Variants in NELFA observed in about 807,000 individuals in gnomAD.
NELFA encodes the protein negative elongation factor A.
Under a neutral mutation model 51.8 loss-of-function variants are expected in NELFA, and 35 were observed. The ratio of observed to expected loss-of-function variants is 0.68; its 90% CI spans 0.52 to 0.90. NELFA has a LOEUF of 0.90. NELFA is among the 40% of genes least tolerant of loss of function. The probability of loss-of-function intolerance (pLI) is 0.00; values close to 1 mark genes in which losing one functional copy is unlikely to be tolerated. For missense variants in NELFA, 658 were observed against 746.4 expected, an observed-to-expected ratio of 0.88 and a Z score of 1.38; for synonymous variants, 417 against 338.4, an observed-to-expected ratio of 1.23 and a Z score of -2.55.
At chr4:1,995,184 T>C (rs1410831280) in intron 1 of NELFA, among the ~76,000 whole-genome samples, 4 of 152,184 alleles carry the variant, frequency 2.6e-5, no homozygotes, top group South Asian at 2.1e-4. Flanking sequence ...AGCTGGAAGA[T>C]TGGTCTTTTC....
At position 1,985,806 on chromosome 4, in the gene NELFA, C is replaced by T. The variant is rs1236480435; in HGVS notation, c.894G>A (p.Pro298=). 6.8e-6 allele frequency: 11 copies of T among 1,613,136 alleles called. No homozygotes were observed. The highest frequency in any genetic ancestry group is 2.2e-5 in the East Asian group (1 of 44,878). The part of the protein sequence containing the change: ...KEETVVENAT[P]DYAAGLVSTQ... ...TGGACACCAGGCCGGCTGCGTAGTC[C>T]GGGGTGGCGTTCTCCACCACCGTTT... The change falls in exon 7 of 11, where the codon CCG becomes CCA. Residue 298 remains proline, a synonymous_variant. Coordinates refer to ENST00000382882, the MANE Select transcript of NELFA (RefSeq NM_005663.5).
At chr4:1,985,451 C>T (rs1376003890) in intron 7 of NELFA, among the ~76,000 whole-genome samples, 1 of 152,080 alleles carries the variant, frequency 6.6e-6, no homozygotes, top group Non-Finnish European at 1.5e-5. Context: ...GCCTGTCCTG[C>T]ACCCATTCAC....
At chr4:1,988,618 G>A (rs1384771086) in intron 3 of NELFA, among the ~76,000 whole-genome samples, 1 of 152,236 alleles carries the variant, frequency 6.6e-6, no homozygotes, top group African/African-American at 2.4e-5. Context: ...TCCATGCACA[G>A]CTGCTGTCAG....
rs779251313 is a variant in NELFA at position 1,988,003 on chromosome 4, C to A, written c.549G>T (p.Thr183=). ...TLRAELLQKS[T]ETAQQLKRSA... ...TCCGCTTCAACTGCTGGGCGGTCTC[C>A]GTGGCTGGAAGGAAGAGGTCACATA... The change falls in exon 4 of 11, where the codon ACG becomes ACT. Residue 183 remains threonine (T), a synonymous_variant. Transcript: ENST00000382882. 2 of 1,610,062 alleles carry A rather than the reference C, an allele frequency of 1.2e-6. No individual in the cohort carries two copies. Among genetic ancestry groups the A allele is most frequent in the Admixed American group, 1.7e-5 (1 of 59,928 alleles).
In NELFA at chr4:1,989,812, T is replaced by G; in HGVS notation, c.440A>C (p.Asn147Thr). 1 of 1,614,116 alleles carries G rather than the reference T, an allele frequency of 6.2e-7. No homozygotes were observed. The highest frequency in any genetic ancestry group is 8.5e-7 in the Non-Finnish European group (1 of 1,180,030). ...GGGTCCCGCGAGGGTCGTCAGGGCG[T>G]TTTTGTTCAAGTACTGGCACTCCAG... ...LPLECQYLNKNALTTLAGPLT... is the reference protein window; with the variant it reads ...LPLECQYLNKTALTTLAGPLT... Residue 147 changes from asparagine (N) to threonine (T), a missense_variant, in exon 3 of 11, where the codon AAC becomes ACC. Asn to Thr is a moderately conservative substitution (Grantham distance 65). This residue lies in a region of NELFA where 371 missense variants were observed against 448.3 expected (regional missense o/e 0.83). Coordinates refer to ENST00000382882, the MANE Select transcript of NELFA (RefSeq NM_005663.5). The surrounding 1 kb of genome is among the most constrained non-coding windows in gnomAD (Gnocchi z 4.8).
In NELFA at chr4:1,983,897, T is replaced by C. The variant is rs1727990032; in HGVS notation, c.1253A>G (p.Gln418Arg). The change falls in exon 9 of 11, where the codon CAG (glutamine) becomes CGG (arginine). Residue 418 changes from glutamine (Q) to arginine (R), a missense_variant. Transcript: ENST00000382882. ...CTGCTGCTGAGCAGGGGCCTGGGTC[T>C]GCGGGGCCACCATGGCAACCGGGGG... ...QTPPVAMVAPQTQAPAQQQPK... is the reference protein window; with the variant it reads ...QTPPVAMVAPRTQAPAQQQPK... 6.3e-7 allele frequency: 1 copy of C among 1,599,996 alleles called. No individual in the cohort carries two copies. Among genetic ancestry groups the C allele is most frequent in the African/African-American group, 1.3e-5 (1 of 74,618 alleles).
chr4:2,001,959 G>A (rs1248259842), intron 1 of NELFA, among the ~76,000 whole-genome samples: 2 of 150,378 alleles, frequency 1.3e-5, no homozygotes, highest in East Asian at 2.0e-4. Flanking sequence ...CTAGCACTTT[G>A]GGAGGCCGAG....
chr4:2,006,495 C>G (rs184242136), intron 1 of NELFA, among the ~76,000 whole-genome samples: 1 of 151,996 alleles, frequency 6.6e-6, no homozygotes, highest in African/African-American at 2.4e-5. Context: ...AAGGGCTGGG[C>G]GCACAGATCA....
rs185364631 is a variant in NELFA at position 1,991,647 on chromosome 4, G to A, written c.279C>T (p.Val93=). The change falls in exon 2 of 11, where the codon GTC becomes GTT. Residue 93 remains valine (V), a synonymous_variant. Coordinates refer to ENST00000382882, the MANE Select transcript of NELFA (RefSeq NM_005663.5). The part of the protein sequence containing the change: ...SLDSDPWVLM[V]ADILKSFPDT... Reference sequence around the variant, plus strand: ...CCGGAAAGGACTTCAAGATGTCGGCGACCATGAGCACCCAGGGGTCCGAGT... The same window carrying A: ...CCGGAAAGGACTTCAAGATGTCGGCAACCATGAGCACCCAGGGGTCCGAGT... 50 of 1,613,910 alleles carry A rather than the reference G, an allele frequency of 3.1e-5. No individual in the cohort carries two copies. Among genetic ancestry groups the A allele is most frequent in the Non-Finnish European group, 3.9e-5 (46 of 1,179,974 alleles).
intron 1 of NELFA, among the ~76,000 whole-genome samples, chr4:1,993,795 CTTTTT>C (rs1202916976): frequency 4.2e-5 from 5 of 118,944 alleles, no homozygotes; most frequent in Admixed American, 8.6e-5. Context: ...TCCCCTGGGC[CTTTTT>C]TTTTTTTTTT....
At chr4:1,984,966 G>C in intron 7 of NELFA, 47 bp from the exon 8 acceptor site, 2 of 1,408,718 alleles carry the variant, frequency 1.4e-6, no homozygotes, top group Admixed American at 2.0e-5. Flanking sequence ...CCATGCTTCC[G>C]GCATGTGCTA....
At chr4:2,005,311 G>GA (rs988601590) in intron 1 of NELFA, among the ~76,000 whole-genome samples, 188 of 149,660 alleles carry the variant, frequency 1.3e-3, no homozygotes, top group African/African-American at 4.3e-3. Context: ...AGTGAGACGA[G>GA]AAAAAAAACA....
chr4:2,007,797 C>T (rs370504330), intron 1 of NELFA, among the ~76,000 whole-genome samples: 18 of 152,174 alleles, frequency 1.2e-4, no homozygotes, highest in East Asian at 7.7e-4. Flanking sequence ...CTTTTCCATA[C>T]ATGTCATATC....
chr4:1,991,131 C>T lies in NELFA; in HGVS notation c.382+413G>A, dbSNP rs543787113. Among the ~76,000 whole-genome samples, 28 of 152,324 alleles carry T rather than the reference C, an allele frequency of 1.8e-4. No homozygotes were observed. In the South Asian group the frequency reaches 2.7e-3, roughly 15 times the overall value. ...TATTTTCTAAGTGACTTTCAGTTCA[C>T]ATTTAAACAACTAAATCGTTGATAT... is the stretch of plus-strand genomic sequence containing the variant. On this transcript the variant is annotated intron_variant, in intron 2 of 10. Coordinates refer to ENST00000382882, the MANE Select transcript of NELFA (RefSeq NM_005663.5).
intron 9 of NELFA, 56 bp from the exon 10 acceptor site, chr4:1,983,751 T>A (rs1727981379): frequency 1.2e-6 from 2 of 1,600,772 alleles, no homozygotes; most frequent in East Asian, 2.2e-5. Flanking sequence ...ACCTCCTGCA[T>A]CCCCCTGCAG....
intron 4 of NELFA, chr4:1,987,540 C>T (rs1043802803): frequency 8.0e-5 from 16 of 199,934 alleles, no homozygotes; most frequent in South Asian, 7.8e-4. Flanking sequence ...CACTTGGGGC[C>T]GAAAGCCCGA....
At chr4:2,008,623 G>T (rs1197697193) in intron 1 of NELFA, 127 bp downstream of exon 1, 7 of 1,109,628 alleles carry the variant, frequency 6.3e-6, no homozygotes, top group Non-Finnish European at 8.8e-6. Flanking sequence ...CGGGCCGGGG[G>T]GGTTAACAGT....
chr4:1,983,597 T>C lies in NELFA; in HGVS notation c.1401A>G (p.Arg467=). 6.2e-7 allele frequency: 1 copy of C among 1,613,750 alleles called. No homozygotes were observed. Among genetic ancestry groups the C allele is most frequent in the African/African-American group, 1.3e-5 (1 of 74,970 alleles). ...CCAGGCCCTGCCTTATGAACATACC[T>C]CGGGAGCCGGCCATGAAGCCCAGGA... ...ALILGFMAGS[R]ENPCQEQGDV... is the part of the protein sequence containing the mutation. The change falls in exon 10 of 11, where the codon CGA becomes CGG. Residue 467 remains arginine (R), a splice_region_variant and synonymous_variant. Transcript: ENST00000382882.
intron 1 of NELFA, among the ~76,000 whole-genome samples, chr4:1,998,736 T>G (rs984870355): frequency 6.6e-6 from 1 of 152,054 alleles, no homozygotes; most frequent in Non-Finnish European, 1.5e-5. Context: ...CTTAAGGATA[T>G]TATCCAGAAC....
Sources: allele counts gnomAD v4.1 joint callset (sites outside exome capture counted in the v4.1 genomes callset), GRCh38; gene constraint gnomAD v4.1.1; regional missense constraint gnomAD v4.1.1; non-coding constraint Gnocchi (gnomAD v3.1); transcripts MANE v1.5; gene names NCBI Gene and HGNC (gene_info 2026-07-23, HGNC 2026-07-21).